NEGR1: variants seen among roughly 807,000 people sequenced by gnomAD.
The protein encoded by NEGR1 is IgLON family member 4.
NEGR1 carries 10 observed loss-of-function variants against 40.9 expected under a neutral mutation model. That is an observed-to-expected ratio of 0.24 (90% CI 0.15 to 0.42). The LOEUF is 0.42. Among genes scored for constraint, NEGR1 ranks in the 10% least tolerant of loss-of-function variants. The pLI, the probability that NEGR1 is intolerant of heterozygous loss-of-function variation, is 1.00. For missense variants in NEGR1, 352 were observed against 438.9 expected (o/e 0.80, Z 1.77); for synonymous variants, 185 against 166.8 (o/e 1.11, Z -0.84).
At chr1:72,225,852 T>A (rs535422257) in intron 1 of NEGR1, among the ~76,000 whole-genome samples, 1 of 151,752 alleles carries the variant, frequency 6.6e-6, no homozygotes, top group Non-Finnish European at 1.5e-5. Context: ...CAATTACGTT[T>A]GGTACAAATC....
At chr1:72,232,889 T>C (rs1219258873) in intron 1 of NEGR1, among the ~76,000 whole-genome samples, 4 of 152,110 alleles carry the variant, frequency 2.6e-5, no homozygotes, top group Admixed American at 1.3e-4. Context: ...CAGAAGGACA[T>C]GAGACATCTA....
intron 2 of NEGR1, among the ~76,000 whole-genome samples, chr1:71,895,775 T>G (rs1365079567): frequency 6.6e-6 from 1 of 152,202 alleles, no homozygotes; most frequent in Non-Finnish European, 1.5e-5. Flanking sequence ...CAACTTTTTG[T>G]GTGAACATAT....
chr1:71,945,687 G>A (rs1485713269), intron 1 of NEGR1, among the ~76,000 whole-genome samples: 1 of 151,924 alleles, frequency 6.6e-6, no homozygotes, highest in Non-Finnish European at 1.5e-5. Context: ...AGTTATAAAA[G>A]TTGTACTGGG....
At chr1:71,864,937 T>C (rs1660069067) in intron 2 of NEGR1, among the ~76,000 whole-genome samples, 1 of 151,956 alleles carries the variant, frequency 6.6e-6, no homozygotes, top group African/African-American at 2.4e-5. Context: ...TAGGCACACA[T>C]GAAGAAGAAA....
chr1:71,908,746 A>G (rs997398365), intron 2 of NEGR1, among the ~76,000 whole-genome samples: 1 of 152,170 alleles, frequency 6.6e-6, no homozygotes, highest in Non-Finnish European at 1.5e-5. Context: ...TATTTTAAAT[A>G]TATGCAGTCA....
chr1:71,934,543 C>G (rs1316010890), intron 2 of NEGR1, among the ~76,000 whole-genome samples: 1 of 152,070 alleles, frequency 6.6e-6, no homozygotes, highest in Non-Finnish European at 1.5e-5. Flanking sequence ...TATTTGAATG[C>G]TTGGAGGATT....
chr1:71,847,555 T>C (rs1227403675), intron 2 of NEGR1, among the ~76,000 whole-genome samples: 2 of 152,204 alleles, frequency 1.3e-5, no homozygotes, highest in African/African-American at 2.4e-5. Context: ...ATTGTTTTAA[T>C]TGTTTTGGGG....
intron 3 of NEGR1, 79 bp from the exon 4 acceptor site, chr1:71,698,218 T>C (rs1653552168): frequency 2.4e-6 from 3 of 1,229,550 alleles, no homozygotes; most frequent in Middle Eastern, 2.0e-4. Context: ...CATGACTTCC[T>C]ACAAGATACT....
chr1:71,536,745 G>T (rs777842713), intron 6 of NEGR1, among the ~76,000 whole-genome samples: 7 of 151,578 alleles, frequency 4.6e-5, no homozygotes, highest in Non-Finnish European at 1.0e-4. Context: ...TTTTGTGAAG[G>T]ACAAATGCAC....
At chr1:71,626,522 C>T (rs537280737) in intron 4 of NEGR1, among the ~76,000 whole-genome samples, 1 of 151,986 alleles carries the variant, frequency 6.6e-6, no homozygotes, top group Admixed American at 6.6e-5. Flanking sequence ...CATGTCCCTA[C>T]AAAGGACATG....
At chr1:71,890,142 G>C (rs2101852171) in intron 2 of NEGR1, among the ~76,000 whole-genome samples, 1 of 137,494 alleles carries the variant, frequency 7.3e-6, no homozygotes, top group Admixed American at 8.1e-5. Flanking sequence ...ATCCAGACTA[G>C]GAAGAAACTG....
intron 1 of NEGR1, among the ~76,000 whole-genome samples, chr1:71,990,886 A>G (rs1469817715): frequency 3.3e-5 from 5 of 150,590 alleles, no homozygotes; most frequent in Non-Finnish European, 4.4e-5. Flanking sequence ...CTCCCAATCT[A>G]TATCTGTAGG....
chr1:71,463,259 G>A (rs1307875009), intron 6 of NEGR1: 1 of 152,134 alleles, frequency 6.6e-6, no homozygotes, highest in African/African-American at 2.4e-5. Context: ...TGCAGGGAAG[G>A]GGTGGAACAT....
chr1:71,679,942 A>C (rs531334473), intron 4 of NEGR1, among the ~76,000 whole-genome samples: 1 of 151,950 alleles, frequency 6.6e-6, no homozygotes, highest in South Asian at 2.1e-4. Flanking sequence ...TTTCTCCTTT[A>C]ATCTGTAATG....
intron 4 of NEGR1, among the ~76,000 whole-genome samples, chr1:71,653,689 C>T (rs1183362995): frequency 2.0e-5 from 3 of 152,142 alleles, no homozygotes; most frequent in Non-Finnish European, 4.4e-5. Flanking sequence ...GTTACTATTA[C>T]TTCTATGACC....
At chr1:71,922,332 CAT>C (rs1371150514) in intron 2 of NEGR1, among the ~76,000 whole-genome samples, 1 of 152,182 alleles carries the variant, frequency 6.6e-6, no homozygotes, top group African/African-American at 2.4e-5. Context: ...AACTAAAAAA[CAT>C]AGTAGGCTGG....
intron 4 of NEGR1, among the ~76,000 whole-genome samples, chr1:71,634,008 A>C (rs1248107913): frequency 2.6e-5 from 4 of 152,012 alleles, no homozygotes; most frequent in Non-Finnish European, 5.9e-5. Flanking sequence ...ACATTCATAG[A>C]TATAGGTTTT....
chr1:71,431,468 TC>T (rs1236612431), intron 6 of NEGR1, among the ~76,000 whole-genome samples: 8 of 152,198 alleles, frequency 5.3e-5, no homozygotes, highest in Admixed American at 1.3e-4. Context: ...ATTCCACACT[TC>T]TAATTTGGAT....
intron 1 of NEGR1, among the ~76,000 whole-genome samples, chr1:72,125,805 T>A (rs745997882): frequency 6.6e-5 from 10 of 152,114 alleles, no homozygotes; most frequent in Non-Finnish European, 1.5e-4. Context: ...TTGAAAGTAA[T>A]TAATATTCTT....
Sources: gnomAD v4.1 joint callset for allele counts (sites outside exome capture counted in the v4.1 genomes callset) on GRCh38, gnomAD v4.1.1 for gene constraint, MANE v1.5 for transcripts, NCBI Gene and HGNC (gene_info 2026-07-23, HGNC 2026-07-21) for gene names.